The following PLB1 variants were observed in gnomAD, a reference collection of about 807,000 sequenced individuals.
PLB1 encodes phospholipase B1.
In PLB1, 242 loss-of-function variants were observed where a neutral mutation model predicts 227.4. The ratio of observed to expected loss-of-function variants is 1.06; its 90% CI spans 0.96 to 1.18. The LOEUF (loss-of-function observed/expected upper bound fraction) is 1.18, where lower values mean the gene tolerates loss of function less well. Among genes scored for constraint, PLB1 ranks in the 50% most tolerant of loss-of-function variants. The pLI is 0.00. For missense variants in PLB1, 1,858 were observed against 1,816.3 expected (o/e 1.02, Z -0.42); for synonymous variants, 757 against 682.2 (o/e 1.11, Z -1.71).
intron 36 of PLB1, 129 bp downstream of exon 36, chr2:28,600,989 C>A: frequency 1.1e-6 from 1 of 876,414 alleles, no homozygotes; most frequent in Non-Finnish European, 1.8e-6. Context: ...AGTGGTCGGA[C>A]AGCCCCCTGA....
At chr2:28,567,527 A>G (rs376852133) in intron 20 of PLB1, among the ~76,000 whole-genome samples, 35 of 124,194 alleles carry the variant, frequency 2.8e-4, no homozygotes, top group Non-Finnish European at 4.8e-4. Context: ...GCTGGAGTGC[A>G]GAGTGGCGCC....
At chr2:28,535,305 C>CCTT (rs1465065884) in intron 9 of PLB1, among the ~76,000 whole-genome samples, 1 of 152,246 alleles carries the variant, frequency 6.6e-6, no homozygotes, top group Non-Finnish European at 1.5e-5. Flanking sequence ...ATTTCTTCTT[C>CCTT]CATCTTGATT....
At chr2:28,624,583 C>T (rs1687479943) in intron 49 of PLB1, among the ~76,000 whole-genome samples, 1 of 151,186 alleles carries the variant, frequency 6.6e-6, no homozygotes, top group African/African-American at 2.4e-5. Context: ...TAAGTAACCA[C>T]AGAAAAGAAA....
chr2:28,504,176 T>G (rs1667397544), intron 1 of PLB1, among the ~76,000 whole-genome samples: 1 of 152,180 alleles, frequency 6.6e-6, no homozygotes, highest in Non-Finnish European at 1.5e-5. Context: ...GCCTGCTCAC[T>G]CCATGTACCA....
chr2:28,581,163 G>A (rs1024596232), intron 23 of PLB1, among the ~76,000 whole-genome samples: 10 of 152,142 alleles, frequency 6.6e-5, no homozygotes, highest in Non-Finnish European at 8.8e-5. Flanking sequence ...CTTTAAAACC[G>A]CAAATATCGA....
Position 28,531,008 on chromosome 2 carries a change from T to C in PLB1, c.469-1100T>C, listed in dbSNP as rs57909283. On this transcript the variant is annotated intron_variant, in intron 8 of 57. Coordinates refer to ENST00000327757, the MANE Select transcript of PLB1 (RefSeq NM_153021.5). ...ACCTGTGCAAGTTCACACGGCTAAT[T>C]AGAGCCCAAATCTAAAGTGCCTGCT... Among the ~76,000 whole-genome samples, 1,251 of 152,312 alleles carry C rather than the reference T, an allele frequency of 8.2e-3. 22 individuals are homozygous for C. Among genetic ancestry groups the C allele is most frequent in the African/African-American group, 0.028 (1,172 of 41,568 alleles).
At chr2:28,597,967 C>G in intron 33 of PLB1, 38 bp from the exon 34 acceptor site, 1 of 1,588,238 alleles carries the variant, frequency 6.3e-7, no homozygotes, top group Middle Eastern at 1.7e-4. Flanking sequence ...ACCAATATGT[C>G]TCTCCCTCTC....
chr2:28,522,270 AGAG>A (rs1669619212), intron 4 of PLB1, among the ~76,000 whole-genome samples: 1 of 152,054 alleles, frequency 6.6e-6, no homozygotes, highest in Non-Finnish European at 1.5e-5. Flanking sequence ...GGTGGTGTGT[AGAG>A]GTATAGACTG....
intron 22 of PLB1, among the ~76,000 whole-genome samples, chr2:28,578,701 T>C (rs1679416533): frequency 6.6e-6 from 1 of 152,202 alleles, no homozygotes; most frequent in Non-Finnish European, 1.5e-5. Flanking sequence ...GAAAGCACGG[T>C]CTCAATTCAG....
chr2:28,634,857 G>A (rs114658897), intron 56 of PLB1, among the ~76,000 whole-genome samples: 2,147 of 152,066 alleles, frequency 0.014, 40 homozygotes, highest in African/African-American at 0.048. Context: ...GCTGCAATGA[G>A]CCGAGATGGC....
chr2:28,498,217 A>G (rs1374251467), intron 1 of PLB1, among the ~76,000 whole-genome samples: 1 of 151,328 alleles, frequency 6.6e-6, no homozygotes, highest in Non-Finnish European at 1.5e-5. Flanking sequence ...AGAGGAACCC[A>G]ATGTTGTTAT....
At chr2:28,518,385 C>A (rs1669107250) in intron 2 of PLB1, 81 bp from the exon 3 acceptor site, 4 of 1,087,022 alleles carry the variant, frequency 3.7e-6, no homozygotes, top group East Asian at 4.7e-5. Context: ...AGTACATGAT[C>A]ATTTCTACAC....
At chr2:28,608,505 T>A (rs1330514817) in intron 43 of PLB1, among the ~76,000 whole-genome samples, 1 of 152,232 alleles carries the variant, frequency 6.6e-6, no homozygotes, top group Non-Finnish European at 1.5e-5. Context: ...GTCTAACTGC[T>A]CATACGTTCT....
intron 2 of PLB1, among the ~76,000 whole-genome samples, chr2:28,517,883 T>TTC (rs1669035671): frequency 6.6e-6 from 1 of 151,326 alleles, no homozygotes; most frequent in African/African-American, 2.4e-5. Flanking sequence ...TTTTTTTTTT[T>TTC]TTTTTGAGAC....
rs72850422 is a variant in PLB1 at position 28,590,444 on chromosome 2, C to T, written c.2088+368C>T. On this transcript the variant is annotated intron_variant, in intron 29 of 57. Transcript: ENST00000327757. ...AAGGATCCCTTGTCTTCATATAGCC[C>T]CTGCCTCCATGACAATATGGGTAGA... Among the ~76,000 whole-genome samples, 1,205 of 152,242 alleles carry T rather than the reference C, an allele frequency of 7.9e-3. 13 individuals carry two copies. The highest frequency in any genetic ancestry group is 0.027 in the African/African-American group (1,132 of 41,536).
chr2:28,591,156 C>T lies in PLB1; in HGVS notation c.2112C>T (p.Tyr704=). Residue 704 remains tyrosine (Y), a synonymous_variant, in exon 30 of 58, where the codon TAC becomes TAT. Transcript: ENST00000327757. ...AGGTCCAGCCGTTTCTGAGGACCTA[C>T]AAGAACAGCATGCAGGTACCTGCCT... is the stretch of plus-strand genomic sequence containing the variant. The part of the protein sequence containing the change: ...PNQVQPFLRT[Y]KNSMQGHGTW... The T allele has an allele frequency of 6.2e-7, 1 of 1,614,210 alleles. No homozygotes were observed. The highest frequency in any genetic ancestry group is 1.7e-5 in the Admixed American group (1 of 60,034).
At chr2:28,611,002 A>G (rs1255544902) in intron 43 of PLB1, among the ~76,000 whole-genome samples, 2 of 152,106 alleles carry the variant, frequency 1.3e-5, no homozygotes. Context: ...ACTCTGACTC[A>G]TGCATGCACC....
chr2:28,624,999 G>A, intron 49 of PLB1, 58 bp from the exon 50 acceptor site: 7 of 1,521,652 alleles, frequency 4.6e-6, no homozygotes, highest in Non-Finnish European at 6.4e-6. Flanking sequence ...AAAATCCCAT[G>A]TCGTGAGTCC....
chr2:28,610,269 C>T (rs1320464751), intron 43 of PLB1, among the ~76,000 whole-genome samples: 2 of 151,980 alleles, frequency 1.3e-5, no homozygotes, highest in Non-Finnish European at 1.5e-5. Context: ...CCCAAATGTT[C>T]ACACTTTCTT....
Sources: allele counts gnomAD v4.1 joint callset (sites outside exome capture counted in the v4.1 genomes callset), GRCh38; gene constraint gnomAD v4.1.1; transcripts MANE v1.5; gene names NCBI Gene and HGNC (gene_info 2026-07-23, HGNC 2026-07-21).